The following SH3GL2 variants were observed in gnomAD, a reference collection of about 807,000 sequenced individuals.
SH3GL2 encodes SH3 domain containing GRB2 like 2, endophilin A1, also known as endophilin-A1.
In SH3GL2, 24 loss-of-function variants were observed where a neutral mutation model predicts 46.0. That is an observed-to-expected ratio of 0.52 (90% confidence interval 0.38 to 0.73). SH3GL2 has a LOEUF of 0.73. SH3GL2 is among the 30% of genes least tolerant of loss of function. The pLI, the probability that SH3GL2 is intolerant of heterozygous loss-of-function variation, is 0.00. For missense variants in SH3GL2, 413 were observed against 424.2 expected, an observed-to-expected ratio of 0.97 and a Z score of 0.23; for synonymous variants, 196 against 147.1, an observed-to-expected ratio of 1.33 and a Z score of -2.40.
intron 1 of SH3GL2, among the ~76,000 whole-genome samples, chr9:17,704,073 GATAA>G (rs1345046815): frequency 6.6e-6 from 1 of 152,040 alleles, no homozygotes; most frequent in Non-Finnish European, 1.5e-5. Flanking sequence ...TCCTTGATCT[GATAA>G]ATAACTTCAG....
At chr9:17,597,360 C>G (rs1339098810) in intron 1 of SH3GL2, among the ~76,000 whole-genome samples, 2 of 151,878 alleles carry the variant, frequency 1.3e-5, no homozygotes, top group African/African-American at 4.8e-5. Context: ...TGCTAAAATA[C>G]AAAAAAATTA....
intron 2 of SH3GL2, among the ~76,000 whole-genome samples, 174 bp from the exon 3 acceptor site, chr9:17,761,263 C>T (rs1303864767): frequency 6.6e-6 from 1 of 152,224 alleles, no homozygotes; most frequent in Non-Finnish European, 1.5e-5. Context: ...TGGCAGACCA[C>T]TGCTGAGTAC....
At chr9:17,637,564 A>G (rs866074689) in intron 1 of SH3GL2, among the ~76,000 whole-genome samples, 1 of 152,244 alleles carries the variant, frequency 6.6e-6, no homozygotes, top group Non-Finnish European at 1.5e-5. Flanking sequence ...CCTCAGGACA[A>G]GGAAATAGTG....
chr9:17,623,763 A>C (rs1819213085), intron 1 of SH3GL2, among the ~76,000 whole-genome samples: 1 of 151,578 alleles, frequency 6.6e-6, no homozygotes, highest in Non-Finnish European at 1.5e-5. Context: ...TTTCTGAACC[A>C]TTTTGAGGAT....
At chr9:17,767,321 AG>A (rs1823345884) in intron 3 of SH3GL2, among the ~76,000 whole-genome samples, 1 of 152,246 alleles carries the variant, frequency 6.6e-6, no homozygotes, top group African/African-American at 2.4e-5. Context: ...TGGAAATAAA[AG>A]CTAGCTGTAT....
intron 1 of SH3GL2, among the ~76,000 whole-genome samples, chr9:17,612,458 A>G (rs1257004752): frequency 6.6e-6 from 1 of 152,180 alleles, no homozygotes; most frequent in Non-Finnish European, 1.5e-5. Flanking sequence ...CTCTTAATCA[A>G]GGTTGTCAGG....
intron 1 of SH3GL2, among the ~76,000 whole-genome samples, chr9:17,740,153 A>G (rs989433622): frequency 3.1e-4 from 47 of 152,298 alleles, no homozygotes; most frequent in African/African-American, 1.1e-3. Flanking sequence ...AAATAAAATT[A>G]TCTCAATTTA....
At chr9:17,599,415 G>A (rs572721515) in intron 1 of SH3GL2, among the ~76,000 whole-genome samples, 1 of 152,322 alleles carries the variant, frequency 6.6e-6, no homozygotes, top group Admixed American at 6.5e-5. Flanking sequence ...AGGGTACAGT[G>A]CCAAATGGCA....
chr9:17,766,854 G>C (rs1300562191), intron 3 of SH3GL2, among the ~76,000 whole-genome samples: 1 of 151,898 alleles, frequency 6.6e-6, no homozygotes, highest in Non-Finnish European at 1.5e-5. Flanking sequence ...TACCTCCTTG[G>C]TTTTATGTTT....
At chr9:17,750,724 G>C (rs10963246) in intron 2 of SH3GL2, among the ~76,000 whole-genome samples, 9 of 152,216 alleles carry the variant, frequency 5.9e-5, no homozygotes, top group African/African-American at 2.2e-4. Flanking sequence ...GAAATTTGAA[G>C]AACCTCTGGT....
chr9:17,585,420 C>G (rs191246942), intron 1 of SH3GL2, among the ~76,000 whole-genome samples: 1 of 152,232 alleles, frequency 6.6e-6, no homozygotes, highest in Admixed American at 6.5e-5. Context: ...TTTAATCCTT[C>G]GTACCCTTGT....
intron 1 of SH3GL2, among the ~76,000 whole-genome samples, chr9:17,623,910 A>G (rs1317215092): frequency 6.6e-6 from 1 of 152,226 alleles, no homozygotes; most frequent in Non-Finnish European, 1.5e-5. Flanking sequence ...TTAAAAAATC[A>G]GATCTAATAT....
At chr9:17,782,868 G>A (rs563511463) in intron 3 of SH3GL2, among the ~76,000 whole-genome samples, 59 of 152,200 alleles carry the variant, frequency 3.9e-4, no homozygotes, top group African/African-American at 1.2e-3. Flanking sequence ...CCTCTCTAAC[G>A]CACGCCAGCC....
intron 1 of SH3GL2, among the ~76,000 whole-genome samples, chr9:17,690,265 C>G (rs1218694281): frequency 6.6e-6 from 1 of 152,118 alleles, no homozygotes; most frequent in Non-Finnish European, 1.5e-5. Flanking sequence ...TTGGACCTGT[C>G]CTTTTACTGC....
rs1468335326 is a variant in SH3GL2 at position 17,796,398 on chromosome 9, T to G, written c.*655T>G. The G allele has an allele frequency of 6.6e-6, 1 of 152,442 alleles. No homozygotes were observed. The highest frequency in any genetic ancestry group is 2.4e-5 in the African/African-American group (1 of 41,462). 9.4% of individuals were successfully genotyped at this position (152,442 alleles called of 1,614,324 possible). On this transcript the variant is annotated 3_prime_UTR_variant, in exon 9 of 9. Coordinates refer to ENST00000380607, the MANE Select transcript of SH3GL2 (RefSeq NM_003026.5). ...AAGCCAGAGCGGTAATTCCAAATTA[T>G]TTTTCAGTAAGACAGTTAATCAGCA...
At chr9:17,763,253 G>A (rs1038585328) in intron 3 of SH3GL2, among the ~76,000 whole-genome samples, 13 of 152,210 alleles carry the variant, frequency 8.5e-5, no homozygotes, top group African/African-American at 2.9e-4. Flanking sequence ...GTGCTCTGTT[G>A]TAGGTAGGTG....
rs145381180 is a variant in SH3GL2, at chr9:17,715,902, A to G, written c.46-31164A>G. On this transcript the variant is annotated intron_variant, in intron 1 of 8. Coordinates refer to ENST00000380607, the MANE Select transcript of SH3GL2 (RefSeq NM_003026.5). ...AGCCTATTTTGTAAGAAAGTGGTGAATATCTCATGCAGTTTATTGAATACT... is the reference window on the plus strand; with the variant it reads ...AGCCTATTTTGTAAGAAAGTGGTGAGTATCTCATGCAGTTTATTGAATACT... 3.1e-3 allele frequency among the ~76,000 whole-genome samples: 475 copies of G among 152,220 alleles called. 2 individuals are homozygous for G. The highest frequency in any genetic ancestry group is 4.1e-3 in the Non-Finnish European group (280 of 67,978).
intron 1 of SH3GL2, among the ~76,000 whole-genome samples, chr9:17,683,950 G>A (rs1820839508): frequency 6.6e-6 from 1 of 152,064 alleles, no homozygotes; most frequent in Non-Finnish European, 1.5e-5. Context: ...CTTAAGATTA[G>A]CAGGATGCGA....
chr9:17,792,611 A>C (rs1032303714), intron 7 of SH3GL2, among the ~76,000 whole-genome samples: 1 of 152,172 alleles, frequency 6.6e-6, no homozygotes, highest in African/African-American at 2.4e-5. Context: ...TTCTTCTAAG[A>C]GCACACAGTA....
Sources: gnomAD v4.1 joint callset for allele counts (sites outside exome capture counted in the v4.1 genomes callset) on GRCh38, gnomAD v4.1.1 for gene constraint, MANE v1.5 for transcripts, NCBI Gene and HGNC (gene_info 2026-07-23, HGNC 2026-07-21) for gene names.